Variants in CEP164 observed in about 807,000 individuals in gnomAD.
The protein encoded by CEP164 is centrosomal protein 164, also known as centrosomal protein of 164 kDa.
CEP164 carries 162 observed loss-of-function variants against 182.7 expected under a neutral mutation model. That is an observed-to-expected ratio of 0.89 (90% CI 0.78 to 1.01). The LOEUF (loss-of-function observed/expected upper bound fraction) is 1.01, where lower values mean the gene tolerates loss of function less well. Among genes scored for constraint, CEP164 ranks in the 50% least tolerant of loss-of-function variants. CEP164 has a pLI of 0.00. For synonymous variants in CEP164, 661 were observed against 690.0 expected (o/e 0.96, Z 0.66); for missense variants, 1,735 against 1,790.4 (o/e 0.97, Z 0.56).
intron 27 of CEP164, among the ~76,000 whole-genome samples, chr11:117,405,039 A>C (rs1210231467): frequency 6.6e-6 from 1 of 152,288 alleles, no homozygotes; most frequent in South Asian, 2.1e-4. Context: ...TCTACTTCAG[A>C]CTGCTGTGCT....
chr11:117,338,694 G>A (rs1396825797), intron 3 of CEP164, 26 bp downstream of exon 3: 1 of 1,546,104 alleles, frequency 6.5e-7, no homozygotes, highest in Non-Finnish European at 8.9e-7. Flanking sequence ...AGAGGCCTGT[G>A]GTGTATTGTG....
In CEP164 at chr11:117,409,695, A is replaced by G; in HGVS notation, c.3826A>G (p.Ser1276Gly). The change falls in exon 30 of 33, where the codon AGC becomes GGC. Residue 1276 changes from serine to glycine, a missense_variant. Ser to Gly is a moderately conservative substitution (Grantham distance 56, BLOSUM62 0). Transcript: ENST00000278935. This position sits in a 1 kb window ranked among gnomAD's most constrained non-coding sequence, Gnocchi z 4.4. Reference sequence around the variant, plus strand: ...CCTCCGGCAGATCAGCAGCCAGCTGAGCAGTGTCCTCAGCATCCTGGACAG... The same window carrying G: ...CCTCCGGCAGATCAGCAGCCAGCTGGGCAGTGTCCTCAGCATCCTGGACAG... ...HSLRQISSQL[S>G]SVLSILDSLN... 1 of 1,614,052 alleles carries G rather than the reference A, an allele frequency of 6.2e-7. No individual in the cohort carries two copies. Among genetic ancestry groups the G allele is most frequent in the Non-Finnish European group, 8.5e-7 (1 of 1,179,976 alleles).
intron 5 of CEP164, chr11:117,356,182 C>T: frequency 9.4e-7 from 1 of 1,060,882 alleles, no homozygotes; most frequent in Non-Finnish European, 1.1e-6. Flanking sequence ...CTCACATGTC[C>T]CACATGCAGA....
chr11:117,361,475 C>T (rs917931340), intron 5 of CEP164, among the ~76,000 whole-genome samples: 8 of 151,952 alleles, frequency 5.3e-5, no homozygotes, highest in African/African-American at 9.7e-5. Flanking sequence ...CTCCTGACCT[C>T]GTGATTCACC....
rs145755063 is a variant in CEP164 at position 117,390,790 on chromosome 11, C to A, written c.1948C>A (p.Arg650=). The stretch of plus-strand genomic sequence containing the variant: ...TTTCCATCTCAGTTCCTTGAGGGAG[C>A]GGCTGCAGAAAGCCATTGAGGAGGA... ...KEQSLSSLRE[R]LQKAIEEEEA... is the part of the protein sequence containing the mutation. The change falls in exon 16 of 33, where the codon CGG becomes AGG. Residue 650 remains arginine, a synonymous_variant. Transcript: ENST00000278935. The A allele has an allele frequency of 1.2e-6, 2 of 1,613,746 alleles. No individual in the cohort carries two copies. Among genetic ancestry groups the A allele is most frequent in the Non-Finnish European group, 1.7e-6 (2 of 1,179,990 alleles).
chr11:117,336,499 A>G, intron 2 of CEP164: 1 of 1,513,082 alleles, frequency 6.6e-7, no homozygotes, highest in Admixed American at 1.8e-5. Flanking sequence ...GGGAACTCCT[A>G]GGGGAGGAGG....
chr11:117,365,098 G>T (rs1410371599), intron 8 of CEP164, among the ~76,000 whole-genome samples: 2 of 152,228 alleles, frequency 1.3e-5, no homozygotes, highest in Non-Finnish European at 1.5e-5. Flanking sequence ...CAAAGGAGAT[G>T]CTCAGGCTTT....
At position 117,381,697 on chromosome 11, in the gene CEP164, C is replaced by G; in HGVS notation, c.1410-4C>G. Reference sequence around the variant, plus strand: ...GACTCTGCTGCTCTGCCCGGCCTGACCAGGTTATCTCCTCCACTTCCACAC... The same window carrying G: ...GACTCTGCTGCTCTGCCCGGCCTGAGCAGGTTATCTCCTCCACTTCCACAC... On this transcript the variant is annotated splice_region_variant and splice_polypyrimidine_tract_variant and intron_variant, in intron 12 of 32. Coordinates refer to ENST00000278935, the MANE Select transcript of CEP164 (RefSeq NM_014956.5). 1 of 1,607,016 alleles carries G rather than the reference C, an allele frequency of 6.2e-7. No homozygotes were observed. The highest frequency in any genetic ancestry group is 8.5e-7 in the Non-Finnish European group (1 of 1,177,002).
intron 12 of CEP164, among the ~76,000 whole-genome samples, chr11:117,381,036 G>A (rs907872457): frequency 1.3e-5 from 2 of 152,206 alleles, no homozygotes; most frequent in African/African-American, 2.4e-5. Context: ...CTGTGTGTGT[G>A]CCTGGTTATG....
chr11:117,325,642 T>C (rs1197525065), upstream of CEP164, among the ~76,000 whole-genome samples: 3 of 152,138 alleles, frequency 2.0e-5, no homozygotes, highest in Non-Finnish European at 2.9e-5. Flanking sequence ...TGCCTCGGCC[T>C]CCCAAAATGC....
chr11:117,391,533 C>T (rs368772273), intron 17 of CEP164, among the ~76,000 whole-genome samples: 1 of 152,014 alleles, frequency 6.6e-6, no homozygotes, highest in African/African-American at 2.4e-5. Context: ...TGAGGGAGAG[C>T]GTCCTGTGGA....
chr11:117,411,933 G>A lies in CEP164; in HGVS notation c.4286+16G>A. 1 of 1,613,822 alleles carries A rather than the reference G, an allele frequency of 6.2e-7. No homozygotes were observed. The highest frequency in any genetic ancestry group is 8.5e-7 in the Non-Finnish European group (1 of 1,179,892). On this transcript the variant is annotated intron_variant, in intron 32 of 32. Transcript: ENST00000278935. The surrounding 1 kb of genome is among the most constrained non-coding windows in gnomAD (Gnocchi z 4.4). ...ACCCCAGGTTGTATCCTTTTACCTGGTTCCCAAACTGGGCTGGGCTGTGGG... is the reference window on the plus strand; with the variant it reads ...ACCCCAGGTTGTATCCTTTTACCTGATTCCCAAACTGGGCTGGGCTGTGGG...
At chr11:117,323,896 T>A, upstream of CEP164, 1 of 399,940 alleles carries the variant, frequency 2.5e-6, no homozygotes, top group South Asian at 1.8e-5. Flanking sequence ...TATCTTCTTT[T>A]GAGAAATGTC....
chr11:117,324,053 G>T (rs935482845), upstream of CEP164: 1 of 246,632 alleles, frequency 4.1e-6, no homozygotes, highest in African/African-American at 2.3e-5. Context: ...TCCCATCTTT[G>T]AAATATGACC....
Position 117,392,441 on chromosome 11 carries a change from G to A in CEP164, c.2362-55G>A, listed in dbSNP as rs1395606112. On this transcript the variant is annotated intron_variant, in intron 18 of 32. Transcript: ENST00000278935. ...CCTCAGAACACATCCCCACACAGCAGCTGTACAGTCTGTCTGAGGGTCACA... is the reference window on the plus strand; with the variant it reads ...CCTCAGAACACATCCCCACACAGCAACTGTACAGTCTGTCTGAGGGTCACA... 1.9e-6 allele frequency: 3 copies of A among 1,590,944 alleles called. No individual in the cohort carries two copies. The African/African-American group carries it at 4.0e-5, about 21-fold the overall frequency.
chr11:117,322,558 C>CT (rs2035284946), intron 1 of CEP164, among the ~76,000 whole-genome samples: 1 of 151,470 alleles, frequency 6.6e-6, no homozygotes, highest in South Asian at 2.1e-4. Context: ...CCTCCTTTTC[C>CT]TTTTTCTTTT....
chr11:117,345,887 A>G (rs494722), intron 4 of CEP164, among the ~76,000 whole-genome samples: 2 of 151,958 alleles, frequency 1.3e-5, no homozygotes, highest in African/African-American at 4.8e-5. Context: ...GGGTTTCGCC[A>G]TGTTGGCCAG....
intron 1 of CEP164, among the ~76,000 whole-genome samples, chr11:117,333,439 C>T (rs1007387874): frequency 1.3e-5 from 2 of 152,214 alleles, no homozygotes; most frequent in Non-Finnish European, 2.9e-5. Flanking sequence ...TTTCTTCTTT[C>T]CAATCTGGCC....
rs1316643190 is a variant in CEP164 at position 117,361,818 on chromosome 11, T to C, written c.394-17T>C. 1.2e-6 allele frequency: 2 copies of C among 1,614,022 alleles called. No homozygotes were observed. Among genetic ancestry groups the C allele is most frequent in the South Asian group, 1.1e-5 (1 of 91,088 alleles). On this transcript the variant is annotated splice_polypyrimidine_tract_variant and intron_variant, in intron 5 of 32. Coordinates refer to ENST00000278935, the MANE Select transcript of CEP164 (RefSeq NM_014956.5). ...CCTGGTTTCTTGAGTTGTAACAAGA[T>C]GTTTTCTGTTGCACAGGCCTTGGGT... is the stretch of plus-strand genomic sequence containing the variant.
Sources: gnomAD v4.1 joint callset for allele counts (sites outside exome capture counted in the v4.1 genomes callset) on GRCh38, gnomAD v4.1.1 for gene constraint, Gnocchi (gnomAD v3.1) non-coding constraint, MANE v1.5 for transcripts, NCBI Gene and HGNC (gene_info 2026-07-23, HGNC 2026-07-21) for gene names.